The following ROS1 variants were observed in gnomAD, a reference collection of about 807,000 sequenced individuals.
The protein encoded by ROS1 is ROS proto-oncogene 1, receptor tyrosine kinase.
A neutral mutation model predicts 273.5 loss-of-function variants in ROS1; 263 were observed. The ratio of observed to expected loss-of-function variants is 0.96; its 90% CI spans 0.87 to 1.06. The LOEUF is 1.06. Ranked by LOEUF, ROS1 falls within the 50% of genes least tolerant of loss-of-function variation. ROS1 has a pLI of 0.00. For missense variants in ROS1, 2,833 were observed against 2,751.1 expected (o/e 1.03, Z -0.67); for synonymous variants, 1,008 against 954.1 (o/e 1.06, Z -1.04).
intron 7 of ROS1, 46 bp from the exon 8 acceptor site, chr6:117,397,162 A>C (rs1028416613): frequency 8.0e-7 from 1 of 1,252,704 alleles, no homozygotes; most frequent in Non-Finnish European, 1.1e-6. Flanking sequence ...ATGTGCAAGC[A>C]TGATGTTTTT....
At position 117,409,235 on chromosome 6, in the gene ROS1, A is replaced by T. The variant is rs143261149; in HGVS notation, c.316+347T>A. 9.0e-3 allele frequency among the ~76,000 whole-genome samples: 969 copies of T among 107,870 alleles called. 12 individuals are homozygous for T. Among genetic ancestry groups the T allele is most frequent in the African/African-American group, 0.037 (895 of 24,084 alleles). 70.8% of individuals were successfully genotyped at this position (107,870 alleles called of 152,430 possible). ...ATAATAAAATAAATAAATAAATAAA[A>T]AAGAGAGAAAAAAAACTGGCATTCT... On this transcript the variant is annotated intron_variant, in intron 5 of 43. Coordinates refer to ENST00000368507, the MANE Select transcript of ROS1 (RefSeq NM_001378902.1).
chr6:117,342,383 A>G lies in ROS1; in HGVS notation c.4651+17T>C, dbSNP rs754797659. 15 of 1,608,940 alleles carry G rather than the reference A, an allele frequency of 9.3e-6. No individual in the cohort carries two copies. The East Asian group carries it at 2.9e-4, about 31-fold the overall frequency. On this transcript the variant is annotated intron_variant, in intron 29 of 43. Coordinates refer to ENST00000368507, the MANE Select transcript of ROS1 (RefSeq NM_001378902.1). The stretch of plus-strand genomic sequence containing the variant: ...CAATATTCTGCTTGAGAAACCCACA[A>G]CAAGCCCATAACTTACCTCCATTTT...
chr6:117,409,243 A>G (rs893520422), intron 5 of ROS1, among the ~76,000 whole-genome samples: 7 of 102,880 alleles, frequency 6.8e-5, no homozygotes, highest in East Asian at 2.7e-4. Context: ...AAAAAGAGAG[A>G]AAAAAAACTG....
chr6:117,366,518 T>A (rs1480145340), intron 18 of ROS1, among the ~76,000 whole-genome samples: 2 of 152,170 alleles, frequency 1.3e-5, no homozygotes, highest in Non-Finnish European at 2.9e-5. Context: ...TCTGGGGGCT[T>A]TCCTTGTTTC....
At chr6:117,377,163 T>G (rs1283125046) in intron 18 of ROS1, among the ~76,000 whole-genome samples, 3 of 152,138 alleles carry the variant, frequency 2.0e-5, no homozygotes, top group Non-Finnish European at 4.4e-5. Context: ...CAGGCTGGAG[T>G]GCAATGGCGC....
intron 4 of ROS1, 78 bp downstream of exon 4, chr6:117,414,441 C>A: frequency 1.4e-6 from 1 of 713,996 alleles, no homozygotes; most frequent in Non-Finnish European, 2.5e-6. Flanking sequence ...TTTCTTCACC[C>A]CTATTTTAAA....
At chr6:117,400,325 C>A (rs528526716) in intron 7 of ROS1, among the ~76,000 whole-genome samples, 15 of 152,316 alleles carry the variant, frequency 9.8e-5, no homozygotes, top group African/African-American at 3.6e-4. Flanking sequence ...TAAAGCTTTA[C>A]CTTACTATGA....
At chr6:117,405,886 C>T (rs1774358208) in intron 5 of ROS1, among the ~76,000 whole-genome samples, 3 of 152,160 alleles carry the variant, frequency 2.0e-5, no homozygotes, top group Admixed American at 2.0e-4. Context: ...TCAATTTTCT[C>T]ACCTGTAAAA....
rs759513296 is a variant in ROS1 at position 117,389,883 on chromosome 6, T to C, written c.1290-37A>G. On this transcript the variant is annotated intron_variant, in intron 12 of 43. Coordinates refer to ENST00000368507, the MANE Select transcript of ROS1 (RefSeq NM_001378902.1). The stretch of plus-strand genomic sequence containing the variant: ...ACAAAAGAAACCTCATGAGATTCAG[T>C]CCAAAGGTTGATGAGTAACCTCCTC... The C allele has an allele frequency of 2.9e-5, 45 of 1,567,512 alleles. No individual in the cohort carries two copies. In the South Asian group the frequency reaches 5.2e-4, roughly 18 times the overall value.
intron 20 of ROS1, 59 bp downstream of exon 20, chr6:117,365,522 G>T: frequency 7.0e-7 from 1 of 1,429,764 alleles, no homozygotes; most frequent in Non-Finnish European, 9.9e-7. Flanking sequence ...TGTGGGCAAG[G>T]CTGACACAGA....
chr6:117,338,482 G>C (rs1777644237), intron 31 of ROS1, among the ~76,000 whole-genome samples: 1 of 150,876 alleles, frequency 6.6e-6, no homozygotes, highest in Admixed American at 6.7e-5. Flanking sequence ...TGAAACGGGT[G>C]CATTGAATCC....
intron 27 of ROS1, among the ~76,000 whole-genome samples, chr6:117,345,998 G>A (rs1385693288): frequency 6.6e-6 from 1 of 152,118 alleles, no homozygotes; most frequent in East Asian, 1.9e-4. Flanking sequence ...GAAAGTATGG[G>A]GGTTTAGAGA....
intron 39 of ROS1, among the ~76,000 whole-genome samples, chr6:117,312,781 T>C (rs1775640361): frequency 6.6e-6 from 1 of 152,168 alleles, no homozygotes; most frequent in Non-Finnish European, 1.5e-5. Context: ...TACTCTGGAC[T>C]ACCACCTGTC....
chr6:117,300,085 G>GAT (rs1582548423), intron 43 of ROS1, among the ~76,000 whole-genome samples: 1 of 21,472 alleles, frequency 4.7e-5, no homozygotes, highest in East Asian at 7.1e-4. Flanking sequence ...ACCAGGACAG[G>GAT]CTTTTTTTTT....
chr6:117,389,722 G>T lies in ROS1; in HGVS notation c.1414C>A (p.Gln472Lys), dbSNP rs986620798. The part of the protein sequence containing the change: ...CTLKDFAIKP[Q>K]AKRIIYFNDT... ...TTGAAGTAAATGATTCGCTTGGCTT[G>T]TGGCTTGATTGCAAAGTCCTTTAAC... Residue 472 changes from glutamine (Q) to lysine (K), a missense_variant, in exon 13 of 44, where the codon CAA becomes AAA. Gln to Lys is a moderately conservative substitution (Grantham distance 53). Transcript: ENST00000368507. 5 of 1,614,192 alleles carry T rather than the reference G, an allele frequency of 3.1e-6. No individual in the cohort carries two copies. In the Admixed American group the frequency reaches 6.7e-5, roughly 22 times the overall value.
chr6:117,344,424 C>G (rs759102686), intron 27 of ROS1, among the ~76,000 whole-genome samples, 162 bp from the exon 28 acceptor site: 2 of 152,150 alleles, frequency 1.3e-5, no homozygotes, highest in Non-Finnish European at 2.9e-5. Context: ...AAATAATATT[C>G]TCTTTGAAGA....
At chr6:117,410,340 G>T (rs892511882) in intron 4 of ROS1, among the ~76,000 whole-genome samples, 1 of 151,946 alleles carries the variant, frequency 6.6e-6, no homozygotes, top group Admixed American at 6.6e-5. Context: ...TGATGCTTAG[G>T]GATTACCTAT....
intron 18 of ROS1, among the ~76,000 whole-genome samples, chr6:117,371,408 G>A (rs190231589): frequency 6.2e-4 from 95 of 152,232 alleles, no homozygotes; most frequent in African/African-American, 2.2e-3. Flanking sequence ...GAAGCAGCAG[G>A]ACGAGCCCTG....
intron 22 of ROS1, 75 bp downstream of exon 22, chr6:117,362,528 C>G: frequency 1.4e-6 from 2 of 1,401,722 alleles, no homozygotes; most frequent in South Asian, 2.8e-5. Flanking sequence ...GTAACATATC[C>G]CAGAAACATA....
Sources: allele counts gnomAD v4.1 joint callset (sites outside exome capture counted in the v4.1 genomes callset), GRCh38; gene constraint gnomAD v4.1.1; transcripts MANE v1.5; gene names NCBI Gene and HGNC (gene_info 2026-07-23, HGNC 2026-07-21).